The following LRRC8D variants were observed in gnomAD, a reference collection of about 807,000 sequenced individuals.
The protein encoded by LRRC8D is leucine rich repeat containing 8 VRAC subunit D.
A neutral mutation model predicts 55.8 loss-of-function variants in LRRC8D; 20 were observed. The ratio of observed to expected loss-of-function variants is 0.36; its 90% confidence interval spans 0.25 to 0.52. The LOEUF (loss-of-function observed/expected upper bound fraction) is 0.52, where lower values mean the gene tolerates loss of function less well. LRRC8D is among the 20% of genes least tolerant of loss of function. The probability of loss-of-function intolerance (pLI) is 0.93; values close to 1 mark genes in which losing one functional copy is unlikely to be tolerated. For synonymous variants in LRRC8D, 352 were observed against 377.0 expected (o/e 0.93, Z 0.77); for missense variants, 651 against 1,030.8 (o/e 0.63, Z 5.05).
chr1:89,879,875 TAG>T (rs1662237355), intron 2 of LRRC8D, among the ~76,000 whole-genome samples: 1 of 151,614 alleles, frequency 6.6e-6, no homozygotes, highest in South Asian at 2.1e-4. Context: ...AAGAGACATG[TAG>T]GTTAGCTAGA....
chr1:89,902,954 TTAAA>T (rs1317955809), intron 2 of LRRC8D, among the ~76,000 whole-genome samples: 2 of 152,224 alleles, frequency 1.3e-5, no homozygotes, highest in African/African-American at 2.4e-5. Flanking sequence ...GCCTTTGAAG[TTAAA>T]TAAATTGATT....
intron 2 of LRRC8D, among the ~76,000 whole-genome samples, chr1:89,878,099 A>G (rs538992624): frequency 6.6e-6 from 1 of 152,290 alleles, no homozygotes; most frequent in South Asian, 2.1e-4. Flanking sequence ...TCCAGTGGCT[A>G]TTTCTTAACT....
intron 2 of LRRC8D, among the ~76,000 whole-genome samples, chr1:89,869,319 A>G (rs1661936744): frequency 6.6e-6 from 1 of 152,230 alleles, no homozygotes; most frequent in Non-Finnish European, 1.5e-5. Context: ...AAAACACAGC[A>G]TGAGAACTTC....
At chr1:89,823,798 C>G (rs1421994992) in intron 1 of LRRC8D, among the ~76,000 whole-genome samples, 1 of 152,144 alleles carries the variant, frequency 6.6e-6, no homozygotes, top group Non-Finnish European at 1.5e-5. Flanking sequence ...CAGACAGTTA[C>G]AGTTGTCTAA....
chr1:89,855,394 A>G (rs1661528197), intron 2 of LRRC8D, among the ~76,000 whole-genome samples: 1 of 152,214 alleles, frequency 6.6e-6, no homozygotes, highest in Admixed American at 6.5e-5. Flanking sequence ...TAAAAGGTGA[A>G]TCCAGTCAGA....
chr1:89,831,612 T>C (rs1485308124), intron 1 of LRRC8D, among the ~76,000 whole-genome samples: 2 of 152,106 alleles, frequency 1.3e-5, no homozygotes, highest in Non-Finnish European at 2.9e-5. Context: ...AAAATGTCAA[T>C]GTTTAGAAAT....
intron 2 of LRRC8D, among the ~76,000 whole-genome samples, chr1:89,927,489 T>C (rs1287084462): frequency 6.6e-6 from 1 of 152,244 alleles, no homozygotes; most frequent in Admixed American, 6.5e-5. Context: ...ATACAAATGG[T>C]GCTGCTATGA....
intron 1 of LRRC8D, chr1:89,821,809 C>T (rs1570793656): frequency 6.6e-6 from 1 of 151,292 alleles, no homozygotes; most frequent in Non-Finnish European, 1.5e-5. Flanking sequence ...GCCCGGCGGG[C>T]GGGGGCGGGG....
intron 1 of LRRC8D, among the ~76,000 whole-genome samples, chr1:89,838,196 T>A (rs1557443325): frequency 1.3e-5 from 1 of 79,892 alleles, no homozygotes; most frequent in Non-Finnish European, 3.3e-5. Context: ...CCCTGTCCCT[T>A]AAAAAAAAAA....
intron 1 of LRRC8D, among the ~76,000 whole-genome samples, chr1:89,823,395 A>G (rs989132152): frequency 2.0e-5 from 3 of 152,194 alleles, no homozygotes; most frequent in Non-Finnish European, 2.9e-5. Context: ...TAATTTTTAT[A>G]TTATGCAGCA....
chr1:89,865,356 A>G (rs1661817108), intron 2 of LRRC8D, among the ~76,000 whole-genome samples: 1 of 144,848 alleles, frequency 6.9e-6, no homozygotes, highest in Non-Finnish European at 1.5e-5. Flanking sequence ...ATATATATAT[A>G]TATACTTTCT....
At position 89,821,455 on chromosome 1, in the gene LRRC8D, G is replaced by C. The variant is rs555981570; in HGVS notation, c.-148+164G>C. 2.7e-3 allele frequency among the ~76,000 whole-genome samples: 408 copies of C among 152,296 alleles called. 2 individuals are homozygous for C. The highest frequency in any genetic ancestry group is 9.3e-3 in the African/African-American group (385 of 41,580). On this transcript the variant is annotated intron_variant, in intron 1 of 2. Transcript: ENST00000337338. ...GGGGACGTCCGGGGGTCGGGAGGAG[G>C]TGGCGGCGAGCGGAGTGGGCTCCCG...
chr1:89,864,483 A>G (rs1449510822), intron 2 of LRRC8D, among the ~76,000 whole-genome samples: 1 of 152,104 alleles, frequency 6.6e-6, no homozygotes, highest in Non-Finnish European at 1.5e-5. Context: ...GATGCAATGA[A>G]GTGCCAAGCC....
intron 1 of LRRC8D, among the ~76,000 whole-genome samples, chr1:89,826,001 A>G (rs1162435628): frequency 6.6e-6 from 1 of 152,198 alleles, no homozygotes; most frequent in Admixed American, 6.5e-5. Flanking sequence ...CAGATGGTGC[A>G]GTCTACTTGG....
At chr1:89,844,753 C>T (rs1254217193) in intron 2 of LRRC8D, among the ~76,000 whole-genome samples, 2 of 152,194 alleles carry the variant, frequency 1.3e-5, no homozygotes, top group African/African-American at 4.8e-5. Flanking sequence ...CTCAGATTGA[C>T]TTCTCCCCCC....
At chr1:89,872,354 G>A (rs141470088) in intron 2 of LRRC8D, among the ~76,000 whole-genome samples, 41 of 152,342 alleles carry the variant, frequency 2.7e-4, no homozygotes, top group African/African-American at 9.1e-4. Context: ...AAGGCATAAG[G>A]TCGAAAACTG....
chr1:89,882,235 C>T (rs1662302865), intron 2 of LRRC8D, among the ~76,000 whole-genome samples: 1 of 152,234 alleles, frequency 6.6e-6, no homozygotes. Context: ...CCCTTATGTG[C>T]TAAGCCCTGT....
intron 1 of LRRC8D, chr1:89,833,834 C>T (rs1422686924): frequency 1.3e-5 from 2 of 152,184 alleles, no homozygotes; most frequent in African/African-American, 4.8e-5. Flanking sequence ...CCTGTTCTCT[C>T]CTTACCTGTA....
chr1:89,883,713 A>G (rs1340906788), intron 2 of LRRC8D, among the ~76,000 whole-genome samples: 1 of 152,224 alleles, frequency 6.6e-6, no homozygotes, highest in Non-Finnish European at 1.5e-5. Flanking sequence ...CATGCTCCAG[A>G]ACATCTAACA....
Sources: allele counts gnomAD v4.1 joint callset (sites outside exome capture counted in the v4.1 genomes callset), GRCh38; gene constraint gnomAD v4.1.1; transcripts MANE v1.5; gene names NCBI Gene and HGNC (gene_info 2026-07-23, HGNC 2026-07-21).